RAD51B: variants seen among roughly 807,000 people sequenced by gnomAD.
The protein encoded by RAD51B is DNA repair protein RAD51 homolog 2.
In RAD51B, 38 loss-of-function variants were observed where a neutral mutation model predicts 42.2. The ratio of observed to expected loss-of-function variants is 0.90; its 90% CI spans 0.70 to 1.18. The LOEUF is 1.18. Ranked by LOEUF, RAD51B falls within the 50% of genes most tolerant of loss-of-function variation. The probability of loss-of-function intolerance (pLI) is 0.00; values close to 1 mark genes in which losing one functional copy is unlikely to be tolerated. For missense variants in RAD51B, 373 were observed against 400.7 expected, an observed-to-expected ratio of 0.93 and a Z score of 0.59; for synonymous variants, 154 against 145.2, an observed-to-expected ratio of 1.06 and a Z score of -0.43.
chr14:68,563,868 A>G (rs888406329), intron 10 of RAD51B: 1 of 985,362 alleles, frequency 1.0e-6, no homozygotes, highest in Non-Finnish European at 1.2e-6. Flanking sequence ...GATCCCTGGC[A>G]AGCCTGTGCT....
chr14:68,126,019 T>C (rs902862257), intron 7 of RAD51B, among the ~76,000 whole-genome samples: 7 of 152,232 alleles, frequency 4.6e-5, no homozygotes, highest in South Asian at 2.1e-4. Context: ...TCAACACTTA[T>C]GTTAGATGGG....
intron 10 of RAD51B, chr14:68,540,589 C>T (rs1365728112): frequency 1.5e-4 from 145 of 985,234 alleles, no homozygotes; most frequent in Non-Finnish European, 1.7e-4. Flanking sequence ...GTTCTAGGTG[C>T]TGTGCAAGTA....
intron 7 of RAD51B, among the ~76,000 whole-genome samples, chr14:67,986,114 T>G (rs1377734291): frequency 6.6e-6 from 1 of 152,136 alleles, no homozygotes; most frequent in Non-Finnish European, 1.5e-5. Context: ...GCAAGTTGAG[T>G]CCTCTTTTCC....
At chr14:68,255,550 G>C (rs1306021252) in intron 7 of RAD51B, among the ~76,000 whole-genome samples, 2 of 152,204 alleles carry the variant, frequency 1.3e-5, no homozygotes, top group African/African-American at 2.4e-5. Flanking sequence ...CAATTAGACT[G>C]TATTGTTGAG....
intron 11 of RAD51B, among the ~76,000 whole-genome samples, chr14:68,677,355 A>G (rs1293514142): frequency 6.6e-6 from 1 of 152,140 alleles, no homozygotes; most frequent in African/African-American, 2.4e-5. Flanking sequence ...CTGCTATTGC[A>G]CTGCTGCTCC....
chr14:67,947,349 T>C (rs528550347), intron 7 of RAD51B, among the ~76,000 whole-genome samples: 1 of 152,322 alleles, frequency 6.6e-6, no homozygotes, highest in African/African-American at 2.4e-5. Flanking sequence ...CATTCATGGA[T>C]TGATGGCAAT....
rs1333382536 is a variant in RAD51B at position 68,368,312 on chromosome 14, C to T, written c.854-43112C>T. ...ATTCCTCAGAATCCCACAGCCAGTGCATGCTAAGGCCCAAGTCCCCTTCAT... is the reference window on the plus strand; with the variant it reads ...ATTCCTCAGAATCCCACAGCCAGTGTATGCTAAGGCCCAAGTCCCCTTCAT... On this transcript the variant is annotated intron_variant, in intron 8 of 10. Coordinates refer to ENST00000471583, the MANE Select transcript of RAD51B (RefSeq NM_133510.4). 2.6e-5 allele frequency among the ~76,000 whole-genome samples: 4 copies of T among 152,322 alleles called. No individual in the cohort carries two copies. In the East Asian group the frequency reaches 7.7e-4, roughly 29 times the overall value.
At chr14:68,124,433 T>TA (rs1453809490) in intron 7 of RAD51B, among the ~76,000 whole-genome samples, 2 of 152,202 alleles carry the variant, frequency 1.3e-5, no homozygotes, top group Non-Finnish European at 2.9e-5. Flanking sequence ...GTCTGTACAA[T>TA]ATAGTGTGTT....
At chr14:68,607,103 T>C (rs1289836739) in intron 10 of RAD51B, among the ~76,000 whole-genome samples, 1 of 152,194 alleles carries the variant, frequency 6.6e-6, no homozygotes, top group African/African-American at 2.4e-5. Context: ...GGCACAGTGA[T>C]TGCAGCAAGA....
At chr14:68,439,190 T>A (rs1307405225) in intron 9 of RAD51B, among the ~76,000 whole-genome samples, 1 of 141,358 alleles carries the variant, frequency 7.1e-6, no homozygotes, top group Non-Finnish European at 1.6e-5. Context: ...ACACACACTC[T>A]CTCACACACA....
intron 7 of RAD51B, among the ~76,000 whole-genome samples, chr14:68,183,949 G>A (rs930338299): frequency 7.0e-6 from 1 of 142,492 alleles, no homozygotes; most frequent in African/African-American, 2.6e-5. Context: ...AAAATTAGGC[G>A]GGCGTGGTGG....
At chr14:67,842,036 A>G (rs1326746521) in intron 4 of RAD51B, among the ~76,000 whole-genome samples, 5 of 152,152 alleles carry the variant, frequency 3.3e-5, no homozygotes, top group African/African-American at 1.2e-4. Context: ...ATGTTTTTTC[A>G]TTTGTTTGTA....
chr14:68,595,951 C>A, exon 11 of RAD51B: 4 of 337,690 alleles, frequency 1.2e-5, no homozygotes, highest in Non-Finnish European at 1.7e-5. Context: ...TTGGAATTGT[C>A]TTTTTTTTTT....
chr14:67,826,611 G>T (rs919260131), intron 3 of RAD51B, among the ~76,000 whole-genome samples: 1 of 151,890 alleles, frequency 6.6e-6, no homozygotes. Context: ...AAGAAGGGGA[G>T]AAGGAAGGAA....
chr14:68,146,468 C>T (rs184579528), intron 7 of RAD51B, among the ~76,000 whole-genome samples: 3 of 152,016 alleles, frequency 2.0e-5, no homozygotes, highest in East Asian at 3.9e-4. Flanking sequence ...AGAATCGTCG[C>T]AGGAGGTGAC....
chr14:68,228,391 C>G (rs183692890), intron 7 of RAD51B, among the ~76,000 whole-genome samples: 1 of 152,190 alleles, frequency 6.6e-6, no homozygotes, highest in Admixed American at 6.5e-5. Context: ...AAGATTTTCT[C>G]TTGCTGGCAA....
chr14:68,276,939 A>G (rs574727348), intron 7 of RAD51B, among the ~76,000 whole-genome samples: 26 of 152,330 alleles, frequency 1.7e-4, no homozygotes, highest in African/African-American at 6.0e-4. Flanking sequence ...GATGTCGGGG[A>G]GCAGGTCCCA....
intron 7 of RAD51B, among the ~76,000 whole-genome samples, chr14:67,961,744 C>G (rs2074672671): frequency 6.6e-6 from 1 of 152,042 alleles, no homozygotes; most frequent in Admixed American, 6.6e-5. Context: ...GAAATCTACT[C>G]TTTTTCTAGA....
intron 7 of RAD51B, chr14:68,113,795 G>A (rs930784698): frequency 2.0e-5 from 3 of 152,092 alleles, no homozygotes; most frequent in Non-Finnish European, 4.4e-5. Flanking sequence ...GTATGAGCAT[G>A]CTGGGTTTCT....
Sources: allele counts gnomAD v4.1 joint callset (sites outside exome capture counted in the v4.1 genomes callset), GRCh38; gene constraint gnomAD v4.1.1; transcripts MANE v1.5; gene names NCBI Gene and HGNC (gene_info 2026-07-23, HGNC 2026-07-21).